Variants in LRRC37B observed in about 807,000 individuals in gnomAD.
The protein encoded by LRRC37B is leucine rich repeat containing 37B, also known as leucine-rich repeat-containing protein 37B.
In LRRC37B, 28 loss-of-function variants were observed where a neutral mutation model predicts 98.3. The ratio of observed to expected loss-of-function variants is 0.28; its 90% confidence interval spans 0.21 to 0.39. The LOEUF is 0.39. Ranked by LOEUF, LRRC37B falls within the 10% of genes least tolerant of loss-of-function variation. The pLI is 1.00. For synonymous variants in LRRC37B, 364 were observed against 442.7 expected (o/e 0.82, Z 2.23); for missense variants, 938 against 1,182.7 (o/e 0.79, Z 3.03).
intron 5 of LRRC37B, among the ~76,000 whole-genome samples, chr17:32,034,228 G>A (rs1456247484): frequency 1.3e-5 from 2 of 152,018 alleles, no homozygotes; most frequent in African/African-American, 2.4e-5. Context: ...GCAGTCAGGC[G>A]CAGTGTCTCA....
intron 1 of LRRC37B, among the ~76,000 whole-genome samples, chr17:32,009,090 A>C (rs958418096): frequency 4.6e-5 from 7 of 151,338 alleles, no homozygotes; most frequent in Admixed American, 4.6e-4. Flanking sequence ...CCTCCCTAGC[A>C]CTTGATATTG....
At chr17:32,041,461 T>G (rs1911431083) in intron 7 of LRRC37B, 1 of 689,724 alleles carries the variant, frequency 1.4e-6, no homozygotes. Context: ...TACCAGGGCA[T>G]GCTGGACAGC....
At chr17:32,027,308 G>A (rs535578070) in intron 2 of LRRC37B, among the ~76,000 whole-genome samples, 256 of 152,206 alleles carry the variant, frequency 1.7e-3, no homozygotes, top group African/African-American at 5.6e-3. Flanking sequence ...GAAGAGTGGA[G>A]CAGTGTGCTT....
At chr17:32,044,192 A>G (rs1437209305) in intron 7 of LRRC37B, among the ~76,000 whole-genome samples, 1 of 151,824 alleles carries the variant, frequency 6.6e-6, no homozygotes, top group Non-Finnish European at 1.5e-5. Flanking sequence ...AACTGCCCCC[A>G]AGAAGCCATA....
chr17:32,013,043 A>G (rs1910571662), intron 1 of LRRC37B, among the ~76,000 whole-genome samples: 1 of 152,192 alleles, frequency 6.6e-6, no homozygotes, highest in Admixed American at 6.5e-5. Context: ...ACAAAAAACC[A>G]TTATTTAATA....
At chr17:32,039,761 A>G (rs1598210925) in intron 7 of LRRC37B, among the ~76,000 whole-genome samples, 1 of 151,162 alleles carries the variant, frequency 6.6e-6, no homozygotes. Context: ...ATTAGCATGG[A>G]AAGGGCCCTT....
intron 11 of LRRC37B, chr17:32,051,919 T>C (rs1164155201): frequency 6.6e-6 from 1 of 152,162 alleles, no homozygotes; most frequent in Non-Finnish European, 1.5e-5. Context: ...TTTTTGTTCC[T>C]AAATACTTCA....
At chr17:32,011,872 A>G (rs1195128155) in intron 1 of LRRC37B, among the ~76,000 whole-genome samples, 2 of 152,238 alleles carry the variant, frequency 1.3e-5, no homozygotes, top group African/African-American at 2.4e-5. Flanking sequence ...GGTTCACAAT[A>G]TAGTAAAATT....
At chr17:32,022,369 A>T in exon 1 of LRRC37B, 3 of 1,613,886 alleles carry the variant, frequency 1.9e-6, no homozygotes, top group Non-Finnish European at 2.5e-6. Context: ...CAGGCTCAGC[A>T]TTCACACCTG....
intron 1 of LRRC37B, among the ~76,000 whole-genome samples, chr17:32,014,498 A>C (rs1910607152): frequency 6.6e-6 from 1 of 152,266 alleles, no homozygotes; most frequent in African/African-American, 2.4e-5. Context: ...CTCTAAAATA[A>C]ATGTATAAGC....
intron 7 of LRRC37B, among the ~76,000 whole-genome samples, chr17:32,045,099 C>T (rs1261669999): frequency 6.6e-6 from 1 of 151,384 alleles, no homozygotes; most frequent in Non-Finnish European, 1.5e-5. Context: ...TATTAGCTAT[C>T]ATTATTTCAT....
At position 32,037,987 on chromosome 17, in the gene LRRC37B, T is replaced by G. The variant is rs140592245; in HGVS notation, c.2204+2348T>G. Among the ~76,000 whole-genome samples, 552 of 152,000 alleles carry G rather than the reference T, an allele frequency of 3.6e-3. 2 individuals are homozygous for G. Among genetic ancestry groups the G allele is most frequent in the East Asian group, 0.013 (68 of 5,148 alleles). On this transcript the variant is annotated intron_variant, in intron 7 of 11. Coordinates refer to ENST00000327564, the Ensembl canonical transcript of LRRC37B. The stretch of plus-strand genomic sequence containing the variant: ...ACAAACACACACACAATTAGCCGGG[T>G]GTAGTGGCGGGCACCTTTAGTCCCA...
chr17:32,015,610 T>A (rs917312347), intron 1 of LRRC37B, among the ~76,000 whole-genome samples: 1 of 152,194 alleles, frequency 6.6e-6, no homozygotes, highest in African/African-American at 2.4e-5. Flanking sequence ...TAATTTTTTT[T>A]AAAGAATTAA....
chr17:32,041,666 C>T (rs1474295833), intron 7 of LRRC37B: 6 of 459,410 alleles, frequency 1.3e-5, no homozygotes, highest in Non-Finnish European at 2.6e-5. Context: ...TTGAGGTACT[C>T]CCTCAGCAGG....
At chr17:32,019,606 A>G (rs561742192), upstream of LRRC37B, among the ~76,000 whole-genome samples, 2 of 152,354 alleles carry the variant, frequency 1.3e-5, no homozygotes, top group East Asian at 1.9e-4. Context: ...TTTCATTTCA[A>G]TGGGAACTTA....
intron 1 of LRRC37B, among the ~76,000 whole-genome samples, chr17:32,008,529 C>A (rs1910462139): frequency 6.6e-6 from 1 of 152,152 alleles, no homozygotes; most frequent in Non-Finnish European, 1.5e-5. Flanking sequence ...GTTTTGCAAA[C>A]CTCTTTGCAT....
At chr17:32,027,577 G>A (rs1598206307) in intron 2 of LRRC37B, among the ~76,000 whole-genome samples, 192 bp from the exon 6 acceptor site, 1 of 151,970 alleles carries the variant, frequency 6.6e-6, no homozygotes, top group South Asian at 2.1e-4. Context: ...GCCTGTGTGT[G>A]TGTGGTGGTG....
chr17:32,041,781 G>C (rs774091485), intron 7 of LRRC37B: 1 of 458,508 alleles, frequency 2.2e-6, no homozygotes, highest in South Asian at 1.5e-5. Flanking sequence ...CATGGCGCCG[G>C]CCTCCTCCCT....
exon 1 of LRRC37B, chr17:32,021,157 T>C: frequency 6.2e-7 from 1 of 1,613,912 alleles, no homozygotes; most frequent in Non-Finnish European, 8.5e-7. Context: ...ATGTCTTGGC[T>C]GCGTTTCTGG....
Sources: allele counts gnomAD v4.1 joint callset (sites outside exome capture counted in the v4.1 genomes callset), GRCh38; gene constraint gnomAD v4.1.1; transcripts MANE v1.5; gene names NCBI Gene and HGNC (gene_info 2026-07-23, HGNC 2026-07-21).